The following CTTNBP2 variants were observed in gnomAD, a reference collection of about 807,000 sequenced individuals.
CTTNBP2 encodes cortactin-binding protein 2.
Under a neutral mutation model 156.9 loss-of-function variants are expected in CTTNBP2, and 108 were observed. That is an observed-to-expected ratio of 0.69 (90% CI 0.59 to 0.81). The LOEUF (loss-of-function observed/expected upper bound fraction) is 0.81. Ranked by LOEUF, CTTNBP2 falls within the 30% of genes least tolerant of loss-of-function variation. CTTNBP2 has a pLI of 0.00. For missense variants in CTTNBP2, 1,924 were observed against 2,035.4 expected (o/e 0.95, Z 1.05); for synonymous variants, 767 against 751.8 (o/e 1.02, Z -0.33).
chr7:117,848,773 G>T (rs1320964169), intron 2 of CTTNBP2, among the ~76,000 whole-genome samples: 2 of 152,150 alleles, frequency 1.3e-5, no homozygotes, highest in Non-Finnish European at 2.9e-5. Context: ...TAAAAGGTTT[G>T]TAAACTACTG....
chr7:117,815,627 A>G (rs866770258), intron 2 of CTTNBP2, among the ~76,000 whole-genome samples: 4 of 152,144 alleles, frequency 2.6e-5, no homozygotes, highest in East Asian at 1.9e-4. Context: ...GACTCCCACA[A>G]ATGTATGCAG....
chr7:117,868,088 A>C (rs1804332677), intron 1 of CTTNBP2, among the ~76,000 whole-genome samples: 2 of 152,198 alleles, frequency 1.3e-5, no homozygotes, highest in Admixed American at 1.3e-4. Context: ...AAAGGACTAC[A>C]TCTCAAATAA....
At chr7:117,735,139 G>A in intron 15 of CTTNBP2, 39 bp from the exon 16 acceptor site, 1 of 1,599,808 alleles carries the variant, frequency 6.3e-7, no homozygotes, top group Middle Eastern at 1.7e-4. Flanking sequence ...TCCTCAGTGA[G>A]TTATGTTATG....
chr7:117,821,105 A>G (rs1007574046), intron 2 of CTTNBP2, among the ~76,000 whole-genome samples: 78 of 152,258 alleles, frequency 5.1e-4, no homozygotes, highest in African/African-American at 1.8e-3. Flanking sequence ...CATTTTATAA[A>G]TTCCTTTTTT....
chr7:117,724,501 G>C (rs370230153), intron 19 of CTTNBP2, 46 bp downstream of exon 19: 9 of 1,509,234 alleles, frequency 6.0e-6, no homozygotes, highest in Non-Finnish European at 7.2e-6. Context: ...ACTGGATCAC[G>C]TATGTCCACC....
intron 2 of CTTNBP2, among the ~76,000 whole-genome samples, chr7:117,828,199 T>C (rs1801402237): frequency 6.6e-6 from 1 of 152,132 alleles, no homozygotes; most frequent in African/African-American, 2.4e-5. Context: ...CCCCAGTCCT[T>C]GAGAGAAGGT....
intron 3 of CTTNBP2, chr7:117,793,492 G>A (rs956079520): frequency 2.0e-5 from 3 of 152,452 alleles, no homozygotes; most frequent in African/African-American, 7.2e-5. Flanking sequence ...CCTGCCTCGG[G>A]GTCTTTGTCC....
chr7:117,739,018 T>C (rs964195376), intron 14 of CTTNBP2, among the ~76,000 whole-genome samples: 1 of 152,156 alleles, frequency 6.6e-6, no homozygotes, highest in Non-Finnish European at 1.5e-5. Flanking sequence ...TCCCATGAAG[T>C]AGCAATCAAG....
chr7:117,747,311 A>G (rs570244394), intron 12 of CTTNBP2, among the ~76,000 whole-genome samples: 2 of 152,268 alleles, frequency 1.3e-5, no homozygotes, highest in African/African-American at 4.8e-5. Flanking sequence ...AGATCACAGG[A>G]AAAGGCCCAT....
intron 3 of CTTNBP2, among the ~76,000 whole-genome samples, chr7:117,810,390 G>T (rs537265192): frequency 5.9e-5 from 9 of 152,134 alleles, no homozygotes; most frequent in South Asian, 2.1e-4. Context: ...CAGTAAGTTG[G>T]GATGTTACTA....
In CTTNBP2 at chr7:117,836,486, C is replaced by T. The variant is rs561730305; in HGVS notation, c.189+24723G>A. On this transcript the variant is annotated intron_variant, in intron 2 of 22. Coordinates refer to ENST00000160373, the MANE Select transcript of CTTNBP2 (RefSeq NM_033427.3). ...GGCTGAGGCAGGAGAATGGCATGAA[C>T]CCAGAGGCGGAGCTGGCAGTGAGCT... is the stretch of plus-strand genomic sequence containing the variant. Among the ~76,000 whole-genome samples the T allele has an allele frequency of 7.8e-4, 119 of 152,278 alleles. 1 individual carries two copies. Among genetic ancestry groups the T allele is most frequent in the African/African-American group, 2.7e-3 (112 of 41,562 alleles).
intron 16 of CTTNBP2, among the ~76,000 whole-genome samples, chr7:117,731,252 T>C (rs1795382247): frequency 6.6e-6 from 1 of 152,250 alleles, no homozygotes; most frequent in South Asian, 2.1e-4. Flanking sequence ...TCAAAGGTGA[T>C]TGTTAAATTT....
chr7:117,741,078 G>A (rs1427724002), intron 14 of CTTNBP2, among the ~76,000 whole-genome samples: 2 of 152,210 alleles, frequency 1.3e-5, no homozygotes, highest in Non-Finnish European at 2.9e-5. Context: ...TGTCTGAATG[G>A]TTTTTTATCC....
intron 14 of CTTNBP2, among the ~76,000 whole-genome samples, chr7:117,741,022 G>A (rs1018991638): frequency 4.6e-5 from 7 of 152,194 alleles, no homozygotes; most frequent in Non-Finnish European, 8.8e-5. Context: ...GATTCTGAGA[G>A]CTTTAGCTTT....
chr7:117,831,118 C>T (rs748705628), intron 2 of CTTNBP2, among the ~76,000 whole-genome samples: 1 of 152,144 alleles, frequency 6.6e-6, no homozygotes, highest in Non-Finnish European at 1.5e-5. Context: ...ATCTAAAGAC[C>T]TAAGTCCCCT....
chr7:117,833,371 AC>A (rs1801737672), intron 2 of CTTNBP2, among the ~76,000 whole-genome samples: 1 of 152,144 alleles, frequency 6.6e-6, no homozygotes, highest in Admixed American at 6.5e-5. Flanking sequence ...GAGAATAAAA[AC>A]GTCTTCCTTC....
intron 4 of CTTNBP2, among the ~76,000 whole-genome samples, chr7:117,788,949 A>G (rs575630428): frequency 1.3e-5 from 2 of 151,962 alleles, no homozygotes; most frequent in South Asian, 2.1e-4. Flanking sequence ...AGTAGAAAAT[A>G]AGGAATCCGA....
chr7:117,804,647 A>G (rs1258256570), intron 3 of CTTNBP2, among the ~76,000 whole-genome samples: 22 of 152,230 alleles, frequency 1.4e-4, no homozygotes, highest in Admixed American at 1.4e-3. Context: ...GGAAGCTATT[A>G]TTCTCAGCAA....
intron 7 of CTTNBP2, among the ~76,000 whole-genome samples, chr7:117,780,201 T>C (rs1476275280): frequency 2.0e-5 from 3 of 152,224 alleles, no homozygotes; most frequent in Admixed American, 1.3e-4. Context: ...CATAGGTATT[T>C]GTTTTCCTGT....
Sources: allele counts gnomAD v4.1 joint callset (sites outside exome capture counted in the v4.1 genomes callset), GRCh38; gene constraint gnomAD v4.1.1; transcripts MANE v1.5; gene names NCBI Gene and HGNC (gene_info 2026-07-23, HGNC 2026-07-21).